NAXD: variants seen among roughly 807,000 people sequenced by gnomAD.
NAXD encodes the protein NAD(P)HX dehydratase.
NAXD carries 22 observed loss-of-function variants against 35.8 expected under a neutral mutation model. That is an observed-to-expected ratio of 0.62 (90% CI 0.44 to 0.88). The LOEUF (loss-of-function observed/expected upper bound fraction) is 0.88, where lower values mean the gene tolerates loss of function less well. NAXD is among the 40% of genes least tolerant of loss of function. The pLI, the probability that NAXD is intolerant of heterozygous loss-of-function variation, is 0.00. For missense variants in NAXD, 428 were observed against 437.7 expected (o/e 0.98, Z 0.20); for synonymous variants, 189 against 177.6 (o/e 1.06, Z -0.51).
At chr13:110,617,022 C>T (rs531168828) in intron 1 of NAXD, among the ~76,000 whole-genome samples, 5 of 152,304 alleles carry the variant, frequency 3.3e-5, no homozygotes, top group Admixed American at 1.3e-4. Flanking sequence ...ATTTGTAGCT[C>T]TTTACCTTAA....
In NAXD at chr13:110,628,739, C is replaced by A. The variant is rs1224053429; in HGVS notation, c.441+1192C>A. 6.6e-6 allele frequency among the ~76,000 whole-genome samples: 1 copy of A among 152,094 alleles called. No homozygotes were observed. The highest frequency in any genetic ancestry group is 2.4e-5 in the African/African-American group (1 of 41,402). Reference sequence around the variant, plus strand: ...TAGGAGCAGTAGAACCCTCTGTCATCCCCGGGGAGAGGCTCTCAATGGGGA... The same window carrying A: ...TAGGAGCAGTAGAACCCTCTGTCATACCCGGGGAGAGGCTCTCAATGGGGA... On this transcript the variant is annotated intron_variant, in intron 5 of 9. Coordinates refer to ENST00000680254, the MANE Select transcript of NAXD (RefSeq NM_001242882.2). This position sits in a 1 kb window ranked among gnomAD's most constrained non-coding sequence, Gnocchi z 4.1.
Position 110,628,365 on chromosome 13 carries a change from G to C in NAXD, c.441+818G>C, listed in dbSNP as rs1041143. ...CACAGGGTGCTCACATGTGCAAGGCGTGGTGACTGCATGGGGATCAGAGGC... is the reference window on the plus strand; with the variant it reads ...CACAGGGTGCTCACATGTGCAAGGCCTGGTGACTGCATGGGGATCAGAGGC... On this transcript the variant is annotated intron_variant, in intron 5 of 9. Coordinates refer to ENST00000680254, the MANE Select transcript of NAXD (RefSeq NM_001242882.2). The surrounding 1 kb of genome is among the most constrained non-coding windows in gnomAD (Gnocchi z 4.1). Among the ~76,000 whole-genome samples, 2 of 152,132 alleles carry C rather than the reference G, an allele frequency of 1.3e-5. No homozygotes were observed. The highest frequency in any genetic ancestry group is 2.9e-5 in the Non-Finnish European group (2 of 68,032).
At position 110,628,082 on chromosome 13, in the gene NAXD, C is replaced by G. The variant is rs1414377295; in HGVS notation, c.441+535C>G. 6.6e-6 allele frequency among the ~76,000 whole-genome samples: 1 copy of G among 152,228 alleles called. No homozygotes were observed. Among genetic ancestry groups the G allele is most frequent in the Non-Finnish European group, 1.5e-5 (1 of 68,036 alleles). On this transcript the variant is annotated intron_variant, in intron 5 of 9. Coordinates refer to ENST00000680254, the MANE Select transcript of NAXD (RefSeq NM_001242882.2). The surrounding 1 kb of genome is among the most constrained non-coding windows in gnomAD (Gnocchi z 4.1). Reference sequence around the variant, plus strand: ...TTCTTAAAGTTCATCTTATGCCCACCTAAATCCAAAAGATGAAAGTTATTC... The same window carrying G: ...TTCTTAAAGTTCATCTTATGCCCACGTAAATCCAAAAGATGAAAGTTATTC...
Position 110,628,971 on chromosome 13 carries a change from GGT to G in NAXD, c.441+1428_441+1429del, listed in dbSNP as rs1886604073. Among the ~76,000 whole-genome samples the G allele has an allele frequency of 6.6e-6, 1 of 150,998 alleles. No homozygotes were observed. The highest frequency in any genetic ancestry group is 1.5e-5 in the Non-Finnish European group (1 of 68,036). On this transcript the variant is annotated intron_variant, in intron 5 of 9. Transcript: ENST00000680254. This position sits in a 1 kb window ranked among gnomAD's most constrained non-coding sequence, Gnocchi z 4.1. ...GGAAGTGTGAAAGGTGGGAAGTGAG[GGT>G]GTGCGTCGCTGCCCCTGCAGCCCAG...
Position 110,638,156 on chromosome 13 carries a change from C to T in NAXD, c.840-222C>T. 3 of 1,342,720 alleles carry T rather than the reference C, an allele frequency of 2.2e-6. No homozygotes were observed. Among genetic ancestry groups the T allele is most frequent in the Non-Finnish European group, 3.1e-6 (3 of 975,350 alleles). The allele number at this position is 1,342,720 out of a possible 1,614,324, so 83.2% of individuals were successfully genotyped here. On this transcript the variant is annotated intron_variant, in intron 9 of 9. Transcript: ENST00000680254. This position sits in a 1 kb window ranked among gnomAD's most constrained non-coding sequence, Gnocchi z 5.4. The stretch of plus-strand genomic sequence containing the variant: ...CTAGCCCTGGACCTGTCTCCGAGTA[C>T]ATAGACGTTTCCTGTGTGCCTCCTG...
At chr13:110,623,774 G>C (rs1435810410) in intron 2 of NAXD, among the ~76,000 whole-genome samples, 4 of 152,172 alleles carry the variant, frequency 2.6e-5, no homozygotes, top group African/African-American at 9.7e-5. Flanking sequence ...AGGCCGAGGC[G>C]GGCGGATCAC....
rs1887115488 is a variant in NAXD at position 110,639,887 on chromosome 13, C to T, written c.*1359C>T. ...TTGACGCCTAACTTCAGAAGCTTCA[C>T]TGTCTACATGTGAACTTTTCCAGAA... On this transcript the variant is annotated 3_prime_UTR_variant, in exon 10 of 10. Coordinates refer to ENST00000680254, the MANE Select transcript of NAXD (RefSeq NM_001242882.2). The T allele has an allele frequency of 6.6e-6, 1 of 152,222 alleles. No homozygotes were observed. The highest frequency in any genetic ancestry group is 2.4e-5 in the African/African-American group (1 of 41,464). 9.4% of individuals were successfully genotyped at this position (152,222 alleles called of 1,614,324 possible).
chr13:110,636,257 C>G (rs1292685885), intron 8 of NAXD, among the ~76,000 whole-genome samples: 3 of 152,272 alleles, frequency 2.0e-5, no homozygotes, highest in East Asian at 3.8e-4. Context: ...ACCTGCTGAG[C>G]TGTGGGGCTG....
In NAXD at chr13:110,628,020, C is replaced by T. The variant is rs193250124; in HGVS notation, c.441+473C>T. Among the ~76,000 whole-genome samples, 1 of 152,366 alleles carries T rather than the reference C, an allele frequency of 6.6e-6. No homozygotes were observed. Among genetic ancestry groups the T allele is most frequent in the Non-Finnish European group, 1.5e-5 (1 of 68,036 alleles). ...GGGCCTGCTTGTCCGTGCCCACATG[C>T]ATATGCGCATGGACTCTCATTTATG... On this transcript the variant is annotated intron_variant, in intron 5 of 9. Coordinates refer to ENST00000680254, the MANE Select transcript of NAXD (RefSeq NM_001242882.2). The surrounding 1 kb of genome is among the most constrained non-coding windows in gnomAD (Gnocchi z 4.1).
At chr13:110,616,978 C>G (rs1427197679) in intron 1 of NAXD, among the ~76,000 whole-genome samples, 1 of 152,202 alleles carries the variant, frequency 6.6e-6, no homozygotes, top group Non-Finnish European at 1.5e-5. Context: ...CTCACACCAG[C>G]AGGGAGGCTT....
intron 5 of NAXD, among the ~76,000 whole-genome samples, chr13:110,632,428 G>C (rs1886738271): frequency 6.6e-6 from 1 of 152,192 alleles, no homozygotes; most frequent in Non-Finnish European, 1.5e-5. Context: ...ACCAATGCTG[G>C]CTCGGGCAGC....
chr13:110,617,089 T>C (rs913136063), intron 1 of NAXD, among the ~76,000 whole-genome samples: 2 of 152,250 alleles, frequency 1.3e-5, no homozygotes, highest in Admixed American at 6.5e-5. Flanking sequence ...GAGGATTTAT[T>C]ATCAGACTGC....
Position 110,627,433 on chromosome 13 carries a change from C to A in NAXD, c.333-6C>A. 2 of 1,607,646 alleles carry A rather than the reference C, an allele frequency of 1.2e-6. No homozygotes were observed. The highest frequency in any genetic ancestry group is 1.7e-6 in the Non-Finnish European group (2 of 1,174,680). Reference sequence around the variant, plus strand: ...TAACCATCCTGGCCTTCCTTTCCTTCTTTAGTGACAGCCCCAATGCTGTTC... The same window carrying A: ...TAACCATCCTGGCCTTCCTTTCCTTATTTAGTGACAGCCCCAATGCTGTTC... On this transcript the variant is annotated splice_region_variant and splice_polypyrimidine_tract_variant and intron_variant, in intron 4 of 9. Coordinates refer to ENST00000680254, the MANE Select transcript of NAXD (RefSeq NM_001242882.2).
In NAXD at chr13:110,633,514, C is replaced by T. The variant is rs779684294; in HGVS notation, c.442-1031C>T. 3.9e-4 allele frequency among the ~76,000 whole-genome samples: 59 copies of T among 152,336 alleles called. 1 individual carries two copies. The highest frequency in any genetic ancestry group is 5.0e-4 in the Non-Finnish European group (34 of 68,026). The stretch of plus-strand genomic sequence containing the variant: ...GTGGGCTGAAGGGCTCCTCAAATGC[C>T]GCCAAAGTGGGAGCCCAGGCAGAGG... On this transcript the variant is annotated intron_variant, in intron 5 of 9. Coordinates refer to ENST00000680254, the MANE Select transcript of NAXD (RefSeq NM_001242882.2).
intron 3 of NAXD, 29 bp from the exon 4 acceptor site, chr13:110,625,159 CCT>C: frequency 6.4e-7 from 1 of 1,565,548 alleles, no homozygotes; most frequent in Non-Finnish European, 8.8e-7. Context: ...CGGAGCGATC[CCT>C]GAGTCGGCCT....
intron 1 of NAXD, among the ~76,000 whole-genome samples, chr13:110,619,837 C>T (rs1566613047): frequency 6.6e-6 from 1 of 152,074 alleles, no homozygotes; most frequent in Non-Finnish European, 1.5e-5. Flanking sequence ...CTCGCTGTGT[C>T]ACCCAGGCTG....
At position 110,638,248 on chromosome 13, in the gene NAXD, A is replaced by G; in HGVS notation, c.840-130A>G. 6.4e-7 allele frequency: 1 copy of G among 1,568,636 alleles called. No individual in the cohort carries two copies. Among genetic ancestry groups the G allele is most frequent in the Non-Finnish European group, 8.6e-7 (1 of 1,158,064 alleles). ...AAACCTGCTTTCTCCTCAGGGGCAT[A>G]TCAGACTTGAAATTGACAATTTGGG... On this transcript the variant is annotated intron_variant, in intron 9 of 9. Transcript: ENST00000680254. This position sits in a 1 kb window ranked among gnomAD's most constrained non-coding sequence, Gnocchi z 5.4.
Position 110,634,752 on chromosome 13 carries a change from G to A in NAXD, c.573G>A (p.Glu191=). The change falls in exon 7 of 10, where the codon GAG becomes GAA. Residue 191 remains glutamate, a synonymous_variant. Coordinates refer to ENST00000680254, the MANE Select transcript of NAXD (RefSeq NM_001242882.2). ...CTGTGCTCACTCCCAACCACGTGGAGTTCAGCAGACTGTATGACGCTGTGG... is the reference window on the plus strand; with the variant it reads ...CTGTGCTCACTCCCAACCACGTGGAATTCAGCAGACTGTATGACGCTGTGG... ...RKAVLTPNHV[E]FSRLYDAVLR... 6.2e-7 allele frequency: 1 copy of A among 1,613,890 alleles called. No individual in the cohort carries two copies. Among genetic ancestry groups the A allele is most frequent in the East Asian group, 2.2e-5 (1 of 44,890 alleles).
intron 4 of NAXD, 85 bp downstream of exon 4, chr13:110,625,363 T>C: frequency 1.1e-6 from 1 of 881,698 alleles, no homozygotes; most frequent in South Asian, 1.4e-5. Context: ...GAAAGCGTCC[T>C]GATGGATTTT....
Sources: allele counts gnomAD v4.1 joint callset (sites outside exome capture counted in the v4.1 genomes callset), GRCh38; gene constraint gnomAD v4.1.1; non-coding constraint Gnocchi (gnomAD v3.1); transcripts MANE v1.5; gene names NCBI Gene and HGNC (gene_info 2026-07-23, HGNC 2026-07-21).